The following SAMD4A variants were observed in gnomAD, a reference collection of about 807,000 sequenced individuals.
The protein encoded by SAMD4A is sterile alpha motif domain containing 4A.
Under a neutral mutation model 81.3 loss-of-function variants are expected in SAMD4A, and 33 were observed. The ratio of observed to expected loss-of-function variants is 0.41; its 90% CI spans 0.31 to 0.54. SAMD4A has a LOEUF of 0.54. SAMD4A is among the 20% of genes least tolerant of loss of function. The pLI, the probability that SAMD4A is intolerant of heterozygous loss-of-function variation, is 0.37. For synonymous variants in SAMD4A, 389 were observed against 382.1 expected (o/e 1.02, Z -0.21); for missense variants, 854 against 951.1 (o/e 0.90, Z 1.34).
At position 54,676,662 on chromosome 14, in the gene SAMD4A, C is replaced by T. The variant is rs566325750; in HGVS notation, c.197-25400C>T. Among the ~76,000 whole-genome samples the T allele has an allele frequency of 6.6e-5, 10 of 152,340 alleles. No individual in the cohort carries two copies. The East Asian group carries it at 1.5e-3, about 24-fold the overall frequency. The stretch of plus-strand genomic sequence containing the variant: ...CCTCCCAGAGTGCTGGGATTACAGG[C>T]GTGAACCACTGTGCCTATTCTGCTT... On this transcript the variant is annotated intron_variant, in intron 2 of 12. Transcript: ENST00000554335.
rs1207929218 is a variant in SAMD4A, at chr14:54,764,559, T to A, written c.1596+19T>A. The stretch of plus-strand genomic sequence containing the variant: ...TCATGAGGTGAGTAGTGACAGGTTT[T>A]ACAAAACCATTTTTTTTTTATTGCT... On this transcript the variant is annotated intron_variant, in intron 8 of 12. Transcript: ENST00000554335. 1 of 1,518,898 alleles carries A rather than the reference T, an allele frequency of 6.6e-7. No homozygotes were observed. The highest frequency in any genetic ancestry group is 9.0e-7 in the Non-Finnish European group (1 of 1,109,866). 94.1% of individuals were successfully genotyped at this position (1,518,898 alleles called of 1,614,324 possible). A position where few individuals can be genotyped will look rare whatever the true frequency, so the allele number is the denominator to read the frequency against.
At position 54,767,011 on chromosome 14, in the gene SAMD4A, G is replaced by A. The variant is rs376442097; in HGVS notation, c.1596+2471G>A. ...TGGTTGCCCAGAGGGGCCTCTCGTG[G>A]CTGGGGGCCCCGGTCAGGAAGGAGC... On this transcript the variant is annotated intron_variant, in intron 8 of 12. Coordinates refer to ENST00000554335, the MANE Select transcript of SAMD4A (RefSeq NM_015589.6). 8.5e-5 allele frequency among the ~76,000 whole-genome samples: 13 copies of A among 152,316 alleles called. No individual in the cohort carries two copies. In the South Asian group the frequency reaches 1.2e-3, roughly 15 times the overall value.
chr14:54,614,163 A>G (rs2034434861), intron 2 of SAMD4A, among the ~76,000 whole-genome samples: 1 of 152,278 alleles, frequency 6.6e-6, no homozygotes, highest in South Asian at 2.1e-4. Flanking sequence ...TACATGAAAG[A>G]GTTTTGTAAA....
In SAMD4A at chr14:54,776,417, C is replaced by A. The variant is rs1464484318; in HGVS notation, c.1921C>A (p.Leu641Met). The change falls in exon 11 of 13, where the codon CTG becomes ATG. Residue 641 changes from leucine to methionine, a missense_variant. Transcript: ENST00000554335. ...CCCCTTTTGCTTTTCTCACCAGAAC[C>A]TGTGGTTTGCCAACCCCGGGGGCAG... ...PTIMKQGRQNLWFANPGGSNS... is the reference protein window; with the variant it reads ...PTIMKQGRQNMWFANPGGSNS... 4.4e-6 allele frequency: 7 copies of A among 1,590,838 alleles called. 1 individual carries two copies. In the South Asian group the frequency reaches 8.0e-5, roughly 18 times the overall value.
intron 3 of SAMD4A, chr14:54,703,487 G>A (rs1435682112): frequency 6.6e-6 from 1 of 152,176 alleles, no homozygotes; most frequent in Non-Finnish European, 1.5e-5. Context: ...GCAGTGCCAA[G>A]ATAACTTTCT....
chr14:54,575,174 A>G (rs536206903), intron 2 of SAMD4A, among the ~76,000 whole-genome samples: 1 of 152,220 alleles, frequency 6.6e-6, no homozygotes, highest in African/African-American at 2.4e-5. Flanking sequence ...CAGTTTGGAA[A>G]TCTGTGACCA....
chr14:54,724,973 T>C lies in SAMD4A; in HGVS notation c.716-12051T>C, dbSNP rs191774059. ...TAACAGCATCACAGGCAATTGGCTCTAGGAGGGGCTGAGAGACCATCCACT... is the reference window on the plus strand; with the variant it reads ...TAACAGCATCACAGGCAATTGGCTCCAGGAGGGGCTGAGAGACCATCCACT... On this transcript the variant is annotated intron_variant, in intron 3 of 12. Transcript: ENST00000554335. Among the ~76,000 whole-genome samples the C allele has an allele frequency of 9.9e-5, 15 of 152,284 alleles. No homozygotes were observed. The East Asian group carries it at 2.7e-3, about 27-fold the overall frequency.
At position 54,687,941 on chromosome 14, in the gene SAMD4A, G is replaced by A. The variant is rs941965010; in HGVS notation, c.197-14121G>A. On this transcript the variant is annotated intron_variant, in intron 2 of 12. Coordinates refer to ENST00000554335, the MANE Select transcript of SAMD4A (RefSeq NM_015589.6). ...TCAGGCATCACCCTCTGTGGCTGAT[G>A]CCTCTGACATCATAATACCCAGCCA... The A allele has an allele frequency of 6.1e-6, 6 of 986,560 alleles. 1 individual carries two copies. The Admixed American group carries it at 3.0e-4, about 50-fold the overall frequency. 61.1% of individuals were successfully genotyped at this position (986,560 alleles called of 1,614,324 possible). A position where few individuals can be genotyped will look rare whatever the true frequency, so the allele number is the denominator to read the frequency against.
At chr14:54,593,873 A>AG (rs2033845157) in intron 2 of SAMD4A, among the ~76,000 whole-genome samples, 1 of 151,560 alleles carries the variant, frequency 6.6e-6, no homozygotes, top group Non-Finnish European at 1.5e-5. Context: ...GGATGAGCCA[A>AG]GTGGGGGAGA....
intron 2 of SAMD4A, among the ~76,000 whole-genome samples, chr14:54,595,092 G>A (rs959639213): frequency 6.6e-6 from 1 of 152,060 alleles, no homozygotes; most frequent in Non-Finnish European, 1.5e-5. Context: ...TCGTTCTTTG[G>A]TGTGTCGCAA....
chr14:54,624,068 C>A (rs538650813), intron 2 of SAMD4A, among the ~76,000 whole-genome samples: 1 of 152,282 alleles, frequency 6.6e-6, no homozygotes, highest in South Asian at 2.1e-4. Flanking sequence ...CTCCGCCTCC[C>A]GGGTTCTAGC....
chr14:54,748,501 A>G (rs975037715), intron 4 of SAMD4A, among the ~76,000 whole-genome samples: 1 of 152,126 alleles, frequency 6.6e-6, no homozygotes, highest in African/African-American at 2.4e-5. Context: ...CCCTCTGCCC[A>G]GAAAACTCCC....
chr14:54,633,015 A>G (rs920679524), intron 2 of SAMD4A, among the ~76,000 whole-genome samples: 1 of 152,226 alleles, frequency 6.6e-6, no homozygotes, highest in Non-Finnish European at 1.5e-5. Context: ...GTACAAGTTT[A>G]TATTTAGAAT....
chr14:54,747,763 C>A (rs1566617180), intron 4 of SAMD4A, among the ~76,000 whole-genome samples: 1 of 152,170 alleles, frequency 6.6e-6, no homozygotes, highest in Non-Finnish European at 1.5e-5. Flanking sequence ...TTCTGGTTGC[C>A]ATTTCACCAC....
At chr14:54,672,341 A>T (rs1011647232) in intron 2 of SAMD4A, among the ~76,000 whole-genome samples, 3 of 152,128 alleles carry the variant, frequency 2.0e-5, no homozygotes, top group African/African-American at 7.2e-5. Context: ...ACGAGGGTGG[A>T]GGGAAGGTGG....
intron 2 of SAMD4A, among the ~76,000 whole-genome samples, chr14:54,621,879 A>C (rs931332124): frequency 6.6e-6 from 1 of 152,232 alleles, no homozygotes; most frequent in African/African-American, 2.4e-5. Flanking sequence ...CCAGCAAAGC[A>C]GGAGGGGGGA....
chr14:54,584,787 G>C (rs1016623745), intron 2 of SAMD4A, among the ~76,000 whole-genome samples: 2 of 152,084 alleles, frequency 1.3e-5, no homozygotes, highest in African/African-American at 4.8e-5. Flanking sequence ...GGATGAAATA[G>C]AATTTGACAC....
intron 2 of SAMD4A, among the ~76,000 whole-genome samples, chr14:54,636,303 G>A (rs2035034140): frequency 6.6e-6 from 1 of 152,160 alleles, no homozygotes; most frequent in Admixed American, 6.5e-5. Context: ...CTGGAGAGGA[G>A]TGATCAAGAG....
chr14:54,566,025 C>T (rs1053418359), upstream of SAMD4A, among the ~76,000 whole-genome samples: 9 of 152,110 alleles, frequency 5.9e-5, no homozygotes, highest in South Asian at 2.1e-4. Context: ...TCCTCTCCCC[C>T]CGCTCGGGCG....
Sources: gnomAD v4.1 joint callset for allele counts (sites outside exome capture counted in the v4.1 genomes callset) on GRCh38, gnomAD v4.1.1 for gene constraint, MANE v1.5 for transcripts, NCBI Gene and HGNC (gene_info 2026-07-23, HGNC 2026-07-21) for gene names.